ADAMTS17: variants seen among roughly 807,000 people sequenced by gnomAD.
ADAMTS17 encodes the protein A disintegrin and metalloproteinase with thrombospondin motifs 17.
A neutral mutation model predicts 141.5 loss-of-function variants in ADAMTS17; 113 were observed. The observed-to-expected ratio is 0.80, with a 90% CI of 0.69 to 0.93. ADAMTS17 has a LOEUF of 0.93. ADAMTS17 is among the 40% of genes least tolerant of loss of function. ADAMTS17 has a pLI of 0.00. For synonymous variants in ADAMTS17, 768 were observed against 630.6 expected (o/e 1.22, Z -3.27); for missense variants, 1,659 against 1,517.9 (o/e 1.09, Z -1.54).
At chr15:100,334,322 G>A (rs895309891) in intron 2 of ADAMTS17, among the ~76,000 whole-genome samples, 3 of 152,188 alleles carry the variant, frequency 2.0e-5, no homozygotes, top group African/African-American at 4.8e-5. Flanking sequence ...CTCTGTGGGA[G>A]GGGACAAAGT....
intron 8 of ADAMTS17, among the ~76,000 whole-genome samples, chr15:100,194,616 G>A (rs1243128482): frequency 2.6e-5 from 4 of 152,174 alleles, no homozygotes; most frequent in Non-Finnish European, 5.9e-5. Context: ...GTCCTTCCTA[G>A]GACCAACCAG....
intron 15 of ADAMTS17, among the ~76,000 whole-genome samples, chr15:100,095,145 A>T (rs1204941885): frequency 1.3e-5 from 2 of 152,094 alleles, no homozygotes. Flanking sequence ...CCCCAAACCA[A>T]CCTGCTCCTG....
At chr15:100,031,180 A>G (rs544535164) in intron 18 of ADAMTS17, among the ~76,000 whole-genome samples, 102 of 152,192 alleles carry the variant, frequency 6.7e-4, no homozygotes, top group Non-Finnish European at 1.3e-3. Context: ...TCAGTCTCTC[A>G]ATGCCCACCA....
At chr15:100,216,354 G>C (rs1027625706) in intron 7 of ADAMTS17, among the ~76,000 whole-genome samples, 1 of 152,172 alleles carries the variant, frequency 6.6e-6, no homozygotes, top group Non-Finnish European at 1.5e-5. Context: ...CACAATGATC[G>C]GCAGTTTAGT....
intron 3 of ADAMTS17, among the ~76,000 whole-genome samples, chr15:100,321,757 A>AT (rs1210167396): frequency 6.6e-6 from 1 of 152,238 alleles, no homozygotes; most frequent in African/African-American, 2.4e-5. Context: ...AAGTTATGAG[A>AT]TTTTTAATAT....
At chr15:100,059,764 T>A (rs913872527) in intron 15 of ADAMTS17, among the ~76,000 whole-genome samples, 1 of 152,214 alleles carries the variant, frequency 6.6e-6, no homozygotes, top group Non-Finnish European at 1.5e-5. Flanking sequence ...CTGCCTTGCG[T>A]TAGCTGCAGA....
chr15:100,295,145 A>C (rs543736587), intron 3 of ADAMTS17, among the ~76,000 whole-genome samples: 1 of 152,180 alleles, frequency 6.6e-6, no homozygotes, highest in Non-Finnish European at 1.5e-5. Context: ...TATAATCAAA[A>C]TATCTTCAGA....
At chr15:100,198,347 A>G (rs887488426) in intron 8 of ADAMTS17, among the ~76,000 whole-genome samples, 2 of 152,232 alleles carry the variant, frequency 1.3e-5, no homozygotes, top group Non-Finnish European at 2.9e-5. Context: ...CTTGAGAAAA[A>G]CAATTGCTTT....
At chr15:100,070,466 T>C (rs886258533) in intron 15 of ADAMTS17, among the ~76,000 whole-genome samples, 1 of 150,288 alleles carries the variant, frequency 6.7e-6, no homozygotes. Flanking sequence ...ACCACACTTA[T>C]TCCAAAATTG....
chr15:99,992,014 G>A (rs1426396006), intron 20 of ADAMTS17, among the ~76,000 whole-genome samples: 1 of 151,966 alleles, frequency 6.6e-6, no homozygotes. Flanking sequence ...ACACACCAGG[G>A]ACTGTCGTAG....
chr15:100,238,392 G>A (rs2042724447), intron 7 of ADAMTS17, among the ~76,000 whole-genome samples: 3 of 152,174 alleles, frequency 2.0e-5, no homozygotes, highest in South Asian at 4.1e-4. Flanking sequence ...CAAGAGCAAC[G>A]GCCTTTGTTT....
At chr15:100,330,123 G>A (rs2046005814) in intron 3 of ADAMTS17, among the ~76,000 whole-genome samples, 1 of 152,148 alleles carries the variant, frequency 6.6e-6, no homozygotes, top group Non-Finnish European at 1.5e-5. Flanking sequence ...CAGGTGACAG[G>A]TCATCCACAT....
intron 13 of ADAMTS17, among the ~76,000 whole-genome samples, chr15:100,115,410 C>T (rs961210265): frequency 6.6e-6 from 1 of 152,156 alleles, no homozygotes; most frequent in African/African-American, 2.4e-5. Context: ...GAGCTGATGG[C>T]GCAGCTACAT....
intron 20 of ADAMTS17, among the ~76,000 whole-genome samples, chr15:99,985,935 C>T (rs1193144553): frequency 6.6e-6 from 1 of 152,264 alleles, no homozygotes; most frequent in African/African-American, 2.4e-5. Context: ...CTGGATCCCA[C>T]AGTGCTGACT....
chr15:100,121,904 G>C (rs892983054), intron 12 of ADAMTS17, among the ~76,000 whole-genome samples: 1 of 152,094 alleles, frequency 6.6e-6, no homozygotes, highest in Non-Finnish European at 1.5e-5. Context: ...TTCCTATCCT[G>C]GTTGGAGATG....
At chr15:99,982,703 C>T (rs1411998899) in intron 20 of ADAMTS17, among the ~76,000 whole-genome samples, 7 of 152,212 alleles carry the variant, frequency 4.6e-5, no homozygotes, top group African/African-American at 1.7e-4. Context: ...TGTCAAGGGG[C>T]TCATCACATC....
intron 14 of ADAMTS17, among the ~76,000 whole-genome samples, chr15:100,106,430 G>A (rs976999952): frequency 4.6e-5 from 7 of 152,196 alleles, no homozygotes; most frequent in Admixed American, 2.0e-4. Flanking sequence ...TCAAATGTCT[G>A]GAGCAGCATT....
At chr15:100,116,241 C>T (rs1169023205) in intron 13 of ADAMTS17, among the ~76,000 whole-genome samples, 1 of 150,744 alleles carries the variant, frequency 6.6e-6, no homozygotes, top group Non-Finnish European at 1.5e-5. Context: ...GTATACATGA[C>T]ACACCACCTA....
chr15:100,305,276 CTT>C (rs1217346007), intron 3 of ADAMTS17, among the ~76,000 whole-genome samples: 1 of 152,080 alleles, frequency 6.6e-6, no homozygotes. Context: ...CTTTATGGCT[CTT>C]TGTTTCTTAG....
Sources: gnomAD v4.1 joint callset for allele counts (sites outside exome capture counted in the v4.1 genomes callset) on GRCh38, gnomAD v4.1.1 for gene constraint, MANE v1.5 for transcripts, NCBI Gene and HGNC (gene_info 2026-07-23, HGNC 2026-07-21) for gene names.